The following XKR6 variants were observed in gnomAD, a reference collection of about 807,000 sequenced individuals.
The protein encoded by XKR6 is XK related 6.
In XKR6, 22 loss-of-function variants were observed where a neutral mutation model predicts 56.7. That is an observed-to-expected ratio of 0.39 (90% CI 0.28 to 0.55). XKR6 has a LOEUF of 0.55. Among genes scored for constraint, XKR6 ranks in the 20% least tolerant of loss-of-function variants. The pLI, the probability that XKR6 is intolerant of heterozygous loss-of-function variation, is 0.66. For missense variants in XKR6, 852 were observed against 889.0 expected, an observed-to-expected ratio of 0.96 and a Z score of 0.53; for synonymous variants, 524 against 387.8, an observed-to-expected ratio of 1.35 and a Z score of -4.13.
intron 2 of XKR6, among the ~76,000 whole-genome samples, chr8:10,914,064 C>A (rs1269906967): frequency 3.3e-5 from 5 of 152,188 alleles, no homozygotes; most frequent in Non-Finnish European, 7.3e-5. Flanking sequence ...ACCCCTGGAA[C>A]TCCTCTTGGC....
chr8:11,141,130 A>G (rs996042322), intron 1 of XKR6, among the ~76,000 whole-genome samples: 3 of 152,212 alleles, frequency 2.0e-5, no homozygotes, highest in Non-Finnish European at 2.9e-5. Flanking sequence ...GGGGGAGAAC[A>G]GATGCAAAAG....
intron 1 of XKR6, among the ~76,000 whole-genome samples, chr8:11,087,877 T>G (rs1797941737): frequency 6.6e-6 from 1 of 152,262 alleles, no homozygotes; most frequent in Non-Finnish European, 1.5e-5. Context: ...CAGAGATTTC[T>G]GTCCTTTAAA....
intron 1 of XKR6, among the ~76,000 whole-genome samples, chr8:11,018,396 C>G (rs369133604): frequency 2.0e-5 from 3 of 152,340 alleles, no homozygotes; most frequent in African/African-American, 7.2e-5. Flanking sequence ...GCCTTCCTCC[C>G]CTGCACAAAC....
chr8:10,948,156 A>T (rs28712086), intron 1 of XKR6, among the ~76,000 whole-genome samples: 15,437 of 152,190 alleles, frequency 0.1, 1,563 homozygotes, highest in African/African-American at 0.26. Flanking sequence ...TATGAGGTAA[A>T]ACCAGTATCC....
intron 1 of XKR6, among the ~76,000 whole-genome samples, chr8:10,997,005 G>A (rs1324914626): frequency 2.0e-5 from 3 of 152,090 alleles, no homozygotes; most frequent in Non-Finnish European, 4.4e-5. Flanking sequence ...ACAAATGTCT[G>A]CTTTTAACTC....
chr8:10,914,401 C>G (rs1364458175), intron 2 of XKR6, among the ~76,000 whole-genome samples: 1 of 152,124 alleles, frequency 6.6e-6, no homozygotes, highest in Non-Finnish European at 1.5e-5. Context: ...TGCTGAGATT[C>G]GTAAAGAATG....
intron 1 of XKR6, among the ~76,000 whole-genome samples, chr8:11,043,162 A>C (rs1357957960): frequency 7.2e-5 from 11 of 152,196 alleles, no homozygotes; most frequent in Admixed American, 3.9e-4. Context: ...ACAATATAAA[A>C]TATTAACTTA....
intron 2 of XKR6, among the ~76,000 whole-genome samples, chr8:10,903,988 A>G (rs1800115149): frequency 6.6e-6 from 1 of 152,168 alleles, no homozygotes. Flanking sequence ...GCGTTCTCCT[A>G]GGTAACACCC....
intron 1 of XKR6, among the ~76,000 whole-genome samples, chr8:11,164,172 A>G (rs17782536): frequency 0.28 from 42,822 of 152,148 alleles, 7,249 homozygotes; most frequent in Middle Eastern, 0.4. Context: ...ATCATCCCAC[A>G]GGCTTCAGCT....
intron 1 of XKR6, among the ~76,000 whole-genome samples, chr8:11,192,970 T>C (rs2117136242): frequency 6.6e-6 from 1 of 152,338 alleles, no homozygotes; most frequent in South Asian, 2.1e-4. Flanking sequence ...TCAAATCTGC[T>C]GCCTTTCCTC....
intron 1 of XKR6, among the ~76,000 whole-genome samples, chr8:11,132,767 G>GCACGCACACACACA (rs1554468040): frequency 9.4e-5 from 13 of 138,192 alleles, no homozygotes; most frequent in African/African-American, 3.5e-4. Flanking sequence ...ACACACGCAC[G>GCACGCACACACACA]CACACACACA....
intron 1 of XKR6, chr8:11,128,935 T>TA (rs1563158324): frequency 2.2e-6 from 1 of 456,766 alleles, no homozygotes; most frequent in Admixed American, 2.3e-5. Context: ...CTGGCTTCTT[T>TA]AATAAAGCAG....
chr8:11,139,755 C>A (rs1325644033), intron 1 of XKR6, among the ~76,000 whole-genome samples: 1 of 152,212 alleles, frequency 6.6e-6, no homozygotes, highest in Non-Finnish European at 1.5e-5. Context: ...GGCAGTGTAT[C>A]TCCCAAGTCT....
At chr8:10,967,948 G>C (rs77415775) in intron 1 of XKR6, among the ~76,000 whole-genome samples, 2 of 152,152 alleles carry the variant, frequency 1.3e-5, no homozygotes, top group Admixed American at 1.3e-4. Context: ...AGAGCCCTAG[G>C]AGATTCCATC....
intron 1 of XKR6, among the ~76,000 whole-genome samples, chr8:11,041,445 AC>A (rs1586467164): frequency 1.3e-5 from 2 of 151,950 alleles, no homozygotes; most frequent in East Asian, 3.9e-4. Context: ...AATTCCAGCT[AC>A]TCGGGAGGCT....
At position 10,897,604 on chromosome 8, in the gene XKR6, C is replaced by A; in HGVS notation, c.*348G>T. The A allele has an allele frequency of 1.1e-5, 2 of 174,864 alleles. No homozygotes were observed. Among genetic ancestry groups the A allele is most frequent in the Non-Finnish European group, 2.4e-5 (2 of 84,402 alleles). 10.8% of individuals were successfully genotyped at this position (174,864 alleles called of 1,614,324 possible). ...GTAAGGTAAAAAACTTTTTTTTTTT[C>A]TTTTGGAGTGGAGATAACTCCTCCT... On this transcript the variant is annotated 3_prime_UTR_variant, in exon 3 of 3. Coordinates refer to ENST00000416569, the MANE Select transcript of XKR6 (RefSeq NM_173683.4).
chr8:11,018,115 G>T (rs1798667678), intron 1 of XKR6, among the ~76,000 whole-genome samples: 5 of 152,142 alleles, frequency 3.3e-5, no homozygotes, highest in African/African-American at 9.7e-5. Flanking sequence ...GATGTCAAAG[G>T]GTTACGCTGC....
At chr8:11,008,300 G>A (rs1270154961) in intron 1 of XKR6, among the ~76,000 whole-genome samples, 1 of 152,056 alleles carries the variant, frequency 6.6e-6, no homozygotes, top group East Asian at 1.9e-4. Flanking sequence ...CTGAGCACCC[G>A]GACACTGAGG....
At chr8:11,049,883 G>C (rs1211782174) in intron 1 of XKR6, among the ~76,000 whole-genome samples, 1 of 152,218 alleles carries the variant, frequency 6.6e-6, no homozygotes, top group Admixed American at 6.5e-5. Context: ...GAGAAAGACT[G>C]TGTCTGCTGC....
Sources: allele counts gnomAD v4.1 joint callset (sites outside exome capture counted in the v4.1 genomes callset), GRCh38; gene constraint gnomAD v4.1.1; transcripts MANE v1.5; gene names NCBI Gene and HGNC (gene_info 2026-07-23, HGNC 2026-07-21).